The following AKAP13 variants were observed in gnomAD, a reference collection of about 807,000 sequenced individuals.
AKAP13 encodes the protein A-kinase anchor protein 13.
AKAP13 carries 80 observed loss-of-function variants against 264.5 expected under a neutral mutation model. The observed-to-expected ratio is 0.30, with a 90% CI of 0.25 to 0.36. The LOEUF (loss-of-function observed/expected upper bound fraction) is 0.36, where lower values mean the gene tolerates loss of function less well. Among genes scored for constraint, AKAP13 ranks in the 10% least tolerant of loss-of-function variants. The probability of loss-of-function intolerance (pLI) is 1.00; values close to 1 mark genes in which losing one functional copy is unlikely to be tolerated. For missense variants in AKAP13, 3,712 were observed against 3,435.2 expected (o/e 1.08, Z -2.01); for synonymous variants, 1,380 against 1,250.2 (o/e 1.10, Z -2.19).
At chr15:85,487,793 A>G (rs370189569) in intron 2 of AKAP13, among the ~76,000 whole-genome samples, 7 of 150,702 alleles carry the variant, frequency 4.6e-5, no homozygotes, top group African/African-American at 1.7e-4. Context: ...GTGCAGTGAC[A>G]TGATCATAGC....
intron 2 of AKAP13, among the ~76,000 whole-genome samples, chr15:85,495,370 C>CT (rs2075843198): frequency 6.6e-6 from 1 of 152,164 alleles, no homozygotes; most frequent in Non-Finnish European, 1.5e-5. Flanking sequence ...CTACAGAACA[C>CT]TGACTCAGAT....
chr15:85,458,387 T>TTTTG (rs2074364282), intron 1 of AKAP13, among the ~76,000 whole-genome samples: 1 of 117,462 alleles, frequency 8.5e-6, no homozygotes, highest in African/African-American at 4.9e-5. Context: ...GTATTTTTTG[T>TTTTG]TTTTTGTTTT....
chr15:85,680,966 C>T lies in AKAP13; in HGVS notation c.5102-1192C>T, dbSNP rs992832287. On this transcript the variant is annotated intron_variant, in intron 14 of 36. Coordinates refer to ENST00000394518, the MANE Select transcript of AKAP13 (RefSeq NM_007200.5). ...CCGAGTAGCTGGGACTACAGGCATG[C>T]GCCACCACGCCTGGCCAATTTGTGT... Among the ~76,000 whole-genome samples the T allele has an allele frequency of 9.2e-5, 14 of 152,160 alleles. No homozygotes were observed. The South Asian group carries it at 1.5e-3, about 16-fold the overall frequency.
intron 29 of AKAP13, 127 bp from the exon 30 acceptor site, chr15:85,730,380 AGGCAGT>A (rs750070618): frequency 3.7e-6 from 3 of 813,088 alleles, no homozygotes; most frequent in Non-Finnish European, 5.9e-6. Context: ...GAAAAAGAAA[AGGCAGT>A]GTGGGTGGGG....
At chr15:85,523,793 C>T (rs1051447593) in intron 3 of AKAP13, among the ~76,000 whole-genome samples, 4 of 152,006 alleles carry the variant, frequency 2.6e-5, no homozygotes, top group African/African-American at 9.7e-5. Flanking sequence ...CGCACTCACA[C>T]GTAACCCCCC....
chr15:85,586,916 C>T (rs746166478), intron 8 of AKAP13, among the ~76,000 whole-genome samples: 6 of 129,064 alleles, frequency 4.6e-5, no homozygotes, highest in East Asian at 4.4e-4. Context: ...CGACAGAGCA[C>T]GACACCTTCT....
chr15:85,641,045 A>G (rs1185618358), intron 9 of AKAP13, among the ~76,000 whole-genome samples: 2 of 152,160 alleles, frequency 1.3e-5, no homozygotes, highest in African/African-American at 4.8e-5. Flanking sequence ...TGAGATTTTG[A>G]TTTTAGGCAT....
intron 34 of AKAP13, 127 bp downstream of exon 34, chr15:85,740,399 A>C: frequency 9.7e-7 from 1 of 1,032,078 alleles, no homozygotes; most frequent in Admixed American, 2.3e-5. Flanking sequence ...CAGTCTAGGG[A>C]AGACTGGCTC....
chr15:85,490,743 C>G (rs1283607465), intron 2 of AKAP13, among the ~76,000 whole-genome samples: 1 of 152,208 alleles, frequency 6.6e-6, no homozygotes, highest in Non-Finnish European at 1.5e-5. Flanking sequence ...AAGACCTGTT[C>G]TGGATGCTGG....
chr15:85,651,334 T>G (rs926029794), intron 10 of AKAP13, among the ~76,000 whole-genome samples: 1 of 152,236 alleles, frequency 6.6e-6, no homozygotes, highest in Non-Finnish European at 1.5e-5. Context: ...TGTAACTATA[T>G]ATCTGTCCAT....
intron 1 of AKAP13, among the ~76,000 whole-genome samples, chr15:85,448,889 T>C (rs2073990701): frequency 2.0e-5 from 3 of 151,714 alleles, no homozygotes; most frequent in Admixed American, 6.6e-5. Context: ...AAAACTTTTT[T>C]CCTCAGGTTC....
At position 85,575,296 on chromosome 15, in the gene AKAP13, T is replaced by G. The variant is rs1005238406; in HGVS notation, c.828T>G (p.Ile276Met). Residue 276 changes from isoleucine to methionine, a missense_variant, in exon 6 of 37, where the codon ATT (isoleucine) becomes ATG (methionine). This residue lies in a region of AKAP13 where 2,759 missense variants were observed against 2,411.7 expected (regional missense o/e 1.14). Transcript: ENST00000394518. ...PFPGDGCTGPIFKLMNIQQQL... is the reference protein window; with the variant it reads ...PFPGDGCTGPMFKLMNIQQQL... The stretch of plus-strand genomic sequence containing the variant: ...CTGGAGACGGTTGCACTGGACCAAT[T>G]TTTAAACTTATGAACATCCAACAGC... The G allele has an allele frequency of 7.4e-6, 12 of 1,614,178 alleles. No homozygotes were observed. The highest frequency in any genetic ancestry group is 1.3e-5 in the African/African-American group (1 of 75,032).
intron 8 of AKAP13, among the ~76,000 whole-genome samples, chr15:85,586,480 A>G (rs2079356149): frequency 6.6e-6 from 1 of 152,184 alleles, no homozygotes; most frequent in Non-Finnish European, 1.5e-5. Context: ...CTGGGATTAC[A>G]GATGTGAGTC....
At chr15:85,482,152 C>G (rs2075371232) in intron 1 of AKAP13, among the ~76,000 whole-genome samples, 3 of 152,192 alleles carry the variant, frequency 2.0e-5, no homozygotes, top group Admixed American at 2.0e-4. Flanking sequence ...CATCAGAACC[C>G]TGAGTTCTCA....
chr15:85,635,837 T>A (rs1182682241), intron 8 of AKAP13, among the ~76,000 whole-genome samples: 1 of 152,214 alleles, frequency 6.6e-6, no homozygotes, highest in Admixed American at 6.5e-5. Context: ...TATTTGTTCC[T>A]CATTAAAATA....
chr15:85,535,455 G>T (rs10520590), intron 4 of AKAP13: 36,347 of 152,018 alleles, frequency 0.24, 4,739 homozygotes, highest in African/African-American at 0.35. Flanking sequence ...TTTAAGTATA[G>T]TGTCCAAGAA....
intron 1 of AKAP13, among the ~76,000 whole-genome samples, chr15:85,430,425 G>A (rs928564157): frequency 6.6e-6 from 1 of 152,188 alleles, no homozygotes; most frequent in South Asian, 2.1e-4. Context: ...ATAGAAATAA[G>A]CTGACACTTT....
chr15:85,639,236 T>C, intron 8 of AKAP13, 138 bp from the exon 9 acceptor site: 1 of 595,172 alleles, frequency 1.7e-6, no homozygotes, highest in Non-Finnish European at 2.9e-6. Context: ...AAAAAATTTT[T>C]TTCCCTTGAC....
At chr15:85,648,298 G>T (rs374885) in intron 10 of AKAP13, among the ~76,000 whole-genome samples, 96,180 of 152,132 alleles carry the variant, frequency 0.63, 30,541 homozygotes, top group Middle Eastern at 0.71. Context: ...TTTTAAAAAT[G>T]GAAGTGTCTT....
Sources: allele counts gnomAD v4.1 joint callset (sites outside exome capture counted in the v4.1 genomes callset), GRCh38; gene constraint gnomAD v4.1.1; regional missense constraint gnomAD v4.1.1; transcripts MANE v1.5; gene names NCBI Gene and HGNC (gene_info 2026-07-23, HGNC 2026-07-21).